The following SGCZ variants were observed in gnomAD, a reference collection of about 807,000 sequenced individuals.
SGCZ encodes the protein sarcoglycan zeta.
In SGCZ, 40 loss-of-function variants were observed where a neutral mutation model predicts 41.3. The ratio of observed to expected loss-of-function variants is 0.97; its 90% CI spans 0.75 to 1.26. SGCZ has a LOEUF of 1.26. Among genes scored for constraint, SGCZ ranks in the 50% most tolerant of loss-of-function variants. The probability of loss-of-function intolerance (pLI) is 0.00; values close to 1 mark genes in which losing one functional copy is unlikely to be tolerated. For synonymous variants in SGCZ, 206 were observed against 137.5 expected, an observed-to-expected ratio of 1.50 and a Z score of -3.49; for missense variants, 552 against 369.8, an observed-to-expected ratio of 1.49 and a Z score of -4.04.
intron 1 of SGCZ, among the ~76,000 whole-genome samples, chr8:14,590,478 T>C (rs1341110216): frequency 6.6e-6 from 1 of 151,526 alleles, no homozygotes; most frequent in Non-Finnish European, 1.5e-5. Context: ...AAAATCAAGT[T>C]CTTTTACTCA....
intron 5 of SGCZ, among the ~76,000 whole-genome samples, chr8:14,142,338 T>A: frequency 1.3e-5 from 2 of 151,946 alleles, no homozygotes; most frequent in Middle Eastern, 3.4e-3. Flanking sequence ...AAAAAAGAAA[T>A]ATGAAAACAC....
chr8:14,372,593 G>T (rs1458241062), intron 2 of SGCZ, among the ~76,000 whole-genome samples: 2 of 152,128 alleles, frequency 1.3e-5, no homozygotes, highest in Non-Finnish European at 2.9e-5. Flanking sequence ...GCAATTTTAA[G>T]CAGATTTGTA....
intron 1 of SGCZ, among the ~76,000 whole-genome samples, chr8:14,640,123 G>T (rs936818206): frequency 1.3e-5 from 2 of 151,598 alleles, no homozygotes; most frequent in Non-Finnish European, 3.0e-5. Flanking sequence ...TTTACATTAA[G>T]GGAGGTTTAA....
chr8:14,837,879 G>A (rs911726691), intron 1 of SGCZ, among the ~76,000 whole-genome samples: 12 of 151,796 alleles, frequency 7.9e-5, no homozygotes, highest in African/African-American at 2.9e-4. Flanking sequence ...ATAATAACTG[G>A]GATATCCATC....
At chr8:14,265,494 T>C (rs1372472657) in intron 3 of SGCZ, among the ~76,000 whole-genome samples, 4 of 152,162 alleles carry the variant, frequency 2.6e-5, no homozygotes, top group Non-Finnish European at 4.4e-5. Context: ...ATTTGACGAA[T>C]CTGCTTTTTT....
intron 7 of SGCZ, among the ~76,000 whole-genome samples, chr8:14,095,673 A>T (rs559826444): frequency 1.3e-5 from 2 of 152,270 alleles, no homozygotes; most frequent in East Asian, 3.9e-4. Context: ...GATAGCATTG[A>T]ATCTATAAAT....
chr8:15,206,572 C>T (rs1013482338), intron 1 of SGCZ, among the ~76,000 whole-genome samples: 11 of 151,910 alleles, frequency 7.2e-5, no homozygotes, highest in East Asian at 1.9e-4. Flanking sequence ...CCTCAGCCTC[C>T]GGAGTAGCTG....
chr8:14,309,577 G>C (rs1801460033), intron 3 of SGCZ: 1 of 1,610,814 alleles, frequency 6.2e-7, no homozygotes, highest in Non-Finnish European at 8.5e-7. Flanking sequence ...AACAAGGAAA[G>C]GTTAGGACTT....
chr8:14,980,443 T>C (rs932616693), intron 1 of SGCZ, among the ~76,000 whole-genome samples: 1 of 152,192 alleles, frequency 6.6e-6, no homozygotes, highest in African/African-American at 2.4e-5. Context: ...TATAGAAATA[T>C]CTATCTATCT....
intron 1 of SGCZ, among the ~76,000 whole-genome samples, chr8:15,147,297 A>C (rs1799060732): frequency 6.6e-6 from 1 of 152,058 alleles, no homozygotes; most frequent in Admixed American, 6.6e-5. Flanking sequence ...CTGTTTTTTG[A>C]GACGGGCTTT....
At chr8:14,486,995 CAT>C (rs1292634770) in intron 2 of SGCZ, among the ~76,000 whole-genome samples, 1 of 152,108 alleles carries the variant, frequency 6.6e-6, no homozygotes. Context: ...TTGTCTGAAA[CAT>C]GTGTGCCACC....
chr8:15,084,618 A>G (rs1340230094), intron 1 of SGCZ, among the ~76,000 whole-genome samples: 1 of 151,956 alleles, frequency 6.6e-6, no homozygotes, highest in Non-Finnish European at 1.5e-5. Flanking sequence ...TGGGCGTGGT[A>G]ATGCATGTCT....
chr8:14,981,528 T>A (rs1421133612), intron 1 of SGCZ, among the ~76,000 whole-genome samples: 1 of 152,148 alleles, frequency 6.6e-6, no homozygotes, highest in Non-Finnish European at 1.5e-5. Context: ...CAGCATGAAA[T>A]TTCCTTAACC....
chr8:14,518,474 C>A (rs1802691134), intron 2 of SGCZ, among the ~76,000 whole-genome samples: 1 of 151,912 alleles, frequency 6.6e-6, no homozygotes. Flanking sequence ...TTTCAACATG[C>A]CACTTATTAT....
At chr8:14,240,701 T>C (rs1410984772) in intron 3 of SGCZ, among the ~76,000 whole-genome samples, 1 of 152,208 alleles carries the variant, frequency 6.6e-6, no homozygotes, top group Non-Finnish European at 1.5e-5. Context: ...CAAGTATCCA[T>C]TTTTGATAAA....
chr8:14,637,981 T>C (rs1806889257), intron 1 of SGCZ, among the ~76,000 whole-genome samples: 1 of 151,894 alleles, frequency 6.6e-6, no homozygotes, highest in Non-Finnish European at 1.5e-5. Flanking sequence ...GTATCTGTTA[T>C]CCTTTGACAT....
chr8:15,229,378 TTA>T (rs1563196558), intron 1 of SGCZ, among the ~76,000 whole-genome samples: 2 of 152,116 alleles, frequency 1.3e-5, no homozygotes, highest in African/African-American at 4.8e-5. Context: ...GTCAAAAATA[TTA>T]TGAGGCTAGG....
intron 1 of SGCZ, among the ~76,000 whole-genome samples, chr8:15,095,506 T>C (rs1806313343): frequency 6.6e-6 from 1 of 152,248 alleles, no homozygotes; most frequent in South Asian, 2.1e-4. Flanking sequence ...TAATGATCAA[T>C]TATTCAATCA....
chr8:14,342,362 G>A (rs1257631228), intron 2 of SGCZ, among the ~76,000 whole-genome samples: 1 of 152,096 alleles, frequency 6.6e-6, no homozygotes, highest in African/African-American at 2.4e-5. Flanking sequence ...TGTCGCCCAG[G>A]CTGGAGTGCA....
Sources: gnomAD v4.1 joint callset for allele counts (sites outside exome capture counted in the v4.1 genomes callset) on GRCh38, gnomAD v4.1.1 for gene constraint, MANE v1.5 for transcripts, NCBI Gene and HGNC (gene_info 2026-07-23, HGNC 2026-07-21) for gene names.